Variants in MTX2 observed in about 807,000 individuals in gnomAD.
MTX2 encodes metaxin-2.
In MTX2, 35 loss-of-function variants were observed where a neutral mutation model predicts 42.3. The ratio of observed to expected loss-of-function variants is 0.83; its 90% CI spans 0.63 to 1.10. The LOEUF is 1.10. Among genes scored for constraint, MTX2 ranks in the 50% least tolerant of loss-of-function variants. The probability of loss-of-function intolerance (pLI) is 0.00; values close to 1 mark genes in which losing one functional copy is unlikely to be tolerated. For missense variants in MTX2, 307 were observed against 304.1 expected (o/e 1.01, Z -0.07); for synonymous variants, 119 against 100.9 (o/e 1.18, Z -1.08).
intron 3 of MTX2, among the ~76,000 whole-genome samples, chr2:176,309,720 C>CTTT (rs745705028): frequency 1.1e-4 from 11 of 98,540 alleles, no homozygotes; most frequent in South Asian, 3.2e-4. Flanking sequence ...GCAACCTCTG[C>CTTT]TTTTTTTTTT....
chr2:176,332,673 A>T (rs1341559887), intron 9 of MTX2, among the ~76,000 whole-genome samples: 1 of 151,412 alleles, frequency 6.6e-6, no homozygotes, highest in Non-Finnish European at 1.5e-5. Context: ...GAGGCCAAAA[A>T]GCAAGGGGCT....
At position 176,307,127 on chromosome 2, in the gene MTX2, G is replaced by T. The variant is rs183719115; in HGVS notation, c.135+9232G>T. Among the ~76,000 whole-genome samples, 1,282 of 152,200 alleles carry T rather than the reference G, an allele frequency of 8.4e-3. 23 individuals carry two copies. The highest frequency in any genetic ancestry group is 0.029 in the African/African-American group (1,211 of 41,514). Reference sequence around the variant, plus strand: ...ATCCAGTTTCAGCTTTCTACATATGGCTAGCCAGTTTTCCCAGCACCATTT... The same window carrying T: ...ATCCAGTTTCAGCTTTCTACATATGTCTAGCCAGTTTTCCCAGCACCATTT... On this transcript the variant is annotated intron_variant, in intron 3 of 9. Transcript: ENST00000249442.
Position 176,337,840 on chromosome 2 carries a change from C to A in MTX2, c.*176C>A, listed in dbSNP as rs1437784268. 3 of 480,666 alleles carry A rather than the reference C, an allele frequency of 6.2e-6. No individual in the cohort carries two copies. The highest frequency in any genetic ancestry group is 1.0e-5 in the Non-Finnish European group (3 of 292,306). The allele number at this position is 480,666 out of a possible 1,614,324, so 29.8% of individuals were successfully genotyped here. On this transcript the variant is annotated 3_prime_UTR_variant, in exon 10 of 10. Transcript: ENST00000249442. Reference sequence around the variant, plus strand: ...TATTTGTGTATACATTAAAATAATTCTGAATTATTTAATCTGATATGTTGT... The same window carrying A: ...TATTTGTGTATACATTAAAATAATTATGAATTATTTAATCTGATATGTTGT...
At chr2:176,300,110 G>C (rs907933606) in intron 3 of MTX2, among the ~76,000 whole-genome samples, 1 of 150,946 alleles carries the variant, frequency 6.6e-6, no homozygotes, top group African/African-American at 2.4e-5. Context: ...TATATATGCA[G>C]TATTATACAC....
intron 3 of MTX2, among the ~76,000 whole-genome samples, chr2:176,301,593 A>T (rs1339044457): frequency 1.3e-5 from 2 of 152,182 alleles, no homozygotes; most frequent in African/African-American, 4.8e-5. Context: ...TTACATAAAT[A>T]GTATGTGGCA....
intron 3 of MTX2, among the ~76,000 whole-genome samples, chr2:176,302,532 G>A (rs751970161): frequency 6.6e-6 from 1 of 152,048 alleles, no homozygotes; most frequent in Non-Finnish European, 1.5e-5. Context: ...CATTTCCCAG[G>A]TTCAAGTGAT....
chr2:176,327,138 T>A (rs10221975), intron 5 of MTX2, among the ~76,000 whole-genome samples: 86,992 of 150,882 alleles, frequency 0.58, 25,272 homozygotes, highest in Admixed American at 0.65. Flanking sequence ...ATATCTAGTC[T>A]AAAGAGATGG....
Position 176,269,597 on chromosome 2 carries a change from G to C in MTX2, c.-33G>C. The C allele has an allele frequency of 6.4e-7, 1 of 1,567,444 alleles. No individual in the cohort carries two copies. The highest frequency in any genetic ancestry group is 8.6e-7 in the Non-Finnish European group (1 of 1,160,872). On this transcript the variant is annotated 5_prime_UTR_variant, in exon 1 of 10. Transcript: ENST00000249442. Reference sequence around the variant, plus strand: ...TGGAGGACGCTGAGGCCCGTGGGGGGCAGGCACCCGGGCGCCGGGCCTCCC... The same window carrying C: ...TGGAGGACGCTGAGGCCCGTGGGGGCCAGGCACCCGGGCGCCGGGCCTCCC...
intron 3 of MTX2, among the ~76,000 whole-genome samples, chr2:176,302,387 A>G (rs550041916): frequency 3.3e-5 from 5 of 152,112 alleles, no homozygotes; most frequent in African/African-American, 1.2e-4. Flanking sequence ...ACAGAAAAAA[A>G]CTATTTTATT....
chr2:176,329,017 A>G (rs1684789282), intron 7 of MTX2, 105 bp downstream of exon 7: 3 of 1,056,816 alleles, frequency 2.8e-6, no homozygotes, highest in Admixed American at 4.0e-5. Flanking sequence ...GGTTTATACC[A>G]TTAGTGATAT....
chr2:176,337,715 AATGTTAC>A lies in MTX2; in HGVS notation c.*54_*60del. The A allele has an allele frequency of 6.9e-7, 1 of 1,452,326 alleles. No individual in the cohort carries two copies. Among genetic ancestry groups the A allele is most frequent in the Non-Finnish European group, 9.2e-7 (1 of 1,088,408 alleles). The allele number at this position is 1,452,326 out of a possible 1,614,324, so 90.0% of individuals were successfully genotyped here. On this transcript the variant is annotated 3_prime_UTR_variant, in exon 10 of 10. Transcript: ENST00000249442. ...TAACTTTTGAAATATGTTTTACTTG[AATGTTAC>A]ATTAGATATTGGTGTCAGAATTTTA...
chr2:176,320,579 T>C (rs990257092), intron 3 of MTX2, among the ~76,000 whole-genome samples: 2 of 152,154 alleles, frequency 1.3e-5, no homozygotes, highest in Non-Finnish European at 2.9e-5. Context: ...CTTATCAACT[T>C]TCAGTCATCA....
Position 176,329,288 on chromosome 2 carries a change from C to G in MTX2, c.418-13C>G. The G allele has an allele frequency of 6.3e-7, 1 of 1,578,824 alleles. No individual in the cohort carries two copies. Among genetic ancestry groups the G allele is most frequent in the Non-Finnish European group, 8.6e-7 (1 of 1,165,568 alleles). On this transcript the variant is annotated splice_polypyrimidine_tract_variant and intron_variant, in intron 7 of 9. Coordinates refer to ENST00000249442, the MANE Select transcript of MTX2 (RefSeq NM_006554.5). ...GGAAGGATCACCTTTTTTACAAAATCTTTTTACTTTAGATCACTCATGCTA... is the reference window on the plus strand; with the variant it reads ...GGAAGGATCACCTTTTTTACAAAATGTTTTTACTTTAGATCACTCATGCTA...
chr2:176,326,329 T>C (rs748542892), intron 4 of MTX2, among the ~76,000 whole-genome samples: 8 of 151,740 alleles, frequency 5.3e-5, no homozygotes, highest in Non-Finnish European at 1.2e-4. Flanking sequence ...TTTATTGATA[T>C]ACAATTACTT....
rs1328183378 is a variant in MTX2 at position 176,269,597 on chromosome 2, G to T, written c.-33G>T. 3 of 1,567,444 alleles carry T rather than the reference G, an allele frequency of 1.9e-6. No homozygotes were observed. The African/African-American group carries it at 4.0e-5, about 21-fold the overall frequency. On this transcript the variant is annotated 5_prime_UTR_variant, in exon 1 of 10. Transcript: ENST00000249442. The stretch of plus-strand genomic sequence containing the variant: ...TGGAGGACGCTGAGGCCCGTGGGGG[G>T]CAGGCACCCGGGCGCCGGGCCTCCC...
At chr2:176,290,742 T>C (rs71421562) in intron 1 of MTX2, among the ~76,000 whole-genome samples, 10,228 of 148,288 alleles carry the variant, frequency 0.069, 386 homozygotes, top group Non-Finnish European at 0.08. Context: ...TCCTAGGGAA[T>C]AACTAGTTTT....
At chr2:176,303,558 A>G (rs922640648) in intron 3 of MTX2, among the ~76,000 whole-genome samples, 1 of 152,098 alleles carries the variant, frequency 6.6e-6, no homozygotes, top group African/African-American at 2.4e-5. Flanking sequence ...CATTTTGCTG[A>G]TTTATGCTCA....
rs188801776 is a variant in MTX2 at position 176,329,731 on chromosome 2, A to G, written c.543+305A>G. 1.0e-4 allele frequency among the ~76,000 whole-genome samples: 15 copies of G among 150,420 alleles called. No individual in the cohort carries two copies. In the East Asian group the frequency reaches 2.9e-3, roughly 29 times the overall value. ...GATGTTTCTTAGTAACATTTTCTCA[A>G]ATGGGATCATTATGCCTGCTACTGT... On this transcript the variant is annotated intron_variant, in intron 8 of 9. Coordinates refer to ENST00000249442, the MANE Select transcript of MTX2 (RefSeq NM_006554.5).
intron 3 of MTX2, among the ~76,000 whole-genome samples, chr2:176,307,402 G>A (rs1413901526): frequency 3.3e-5 from 5 of 152,006 alleles, no homozygotes; most frequent in African/African-American, 1.2e-4. Flanking sequence ...CTCTTTTTTG[G>A]TTCCATATGA....
Sources: allele counts gnomAD v4.1 joint callset (sites outside exome capture counted in the v4.1 genomes callset), GRCh38; gene constraint gnomAD v4.1.1; transcripts MANE v1.5; gene names NCBI Gene and HGNC (gene_info 2026-07-23, HGNC 2026-07-21).